KCNMA1: variants seen among roughly 807,000 people sequenced by gnomAD.
KCNMA1 encodes potassium calcium-activated channel subfamily M alpha 1.
A neutral mutation model predicts 140.0 loss-of-function variants in KCNMA1; 29 were observed. That is an observed-to-expected ratio of 0.21 (90% CI 0.15 to 0.28). KCNMA1 has a LOEUF of 0.28. KCNMA1 is among the 10% of genes least tolerant of loss of function. The pLI, the probability that KCNMA1 is intolerant of heterozygous loss-of-function variation, is 1.00. For missense variants in KCNMA1, 880 were observed against 1,602.2 expected (o/e 0.55, Z 7.70); for synonymous variants, 612 against 611.9 (o/e 1.00, Z 0.00).
downstream of KCNMA1, chr10:76,877,081 G>T (rs564761250): frequency 1.3e-5 from 2 of 152,652 alleles, no homozygotes; most frequent in Non-Finnish European, 2.9e-5. Context: ...TATGAACAAA[G>T]GGGTGAGAAC....
At chr10:77,164,120 G>T (rs559435915) in intron 5 of KCNMA1, among the ~76,000 whole-genome samples, 1 of 152,290 alleles carries the variant, frequency 6.6e-6, no homozygotes, top group Non-Finnish European at 1.5e-5. Context: ...CTGGCTTTCT[G>T]ATTCACTCCT....
At chr10:77,192,090 A>G (rs2098943196) in intron 3 of KCNMA1, among the ~76,000 whole-genome samples, 1 of 152,172 alleles carries the variant, frequency 6.6e-6, no homozygotes, top group Non-Finnish European at 1.5e-5. Flanking sequence ...CTCCTGAAAC[A>G]ATGATAGCAG....
chr10:77,198,423 C>T (rs2041340245), intron 3 of KCNMA1, among the ~76,000 whole-genome samples: 1 of 152,018 alleles, frequency 6.6e-6, no homozygotes, highest in Admixed American at 6.6e-5. Context: ...GTGAAGCCAT[C>T]TTTTCTTCAT....
At chr10:77,283,333 G>A (rs1442836972) in intron 2 of KCNMA1, among the ~76,000 whole-genome samples, 2 of 152,146 alleles carry the variant, frequency 1.3e-5, no homozygotes, top group Non-Finnish European at 2.9e-5. Flanking sequence ...ACTCTGGCTC[G>A]AGGAGGAGGG....
At chr10:77,011,837 TG>T (rs1204701167) in intron 18 of KCNMA1, 129 bp downstream of exon 18, 3 of 822,964 alleles carry the variant, frequency 3.6e-6, no homozygotes, top group African/African-American at 3.4e-5. Flanking sequence ...TTTAAACTGC[TG>T]GGTGAAACAT....
At chr10:77,413,221 G>A (rs969406241) in intron 1 of KCNMA1, among the ~76,000 whole-genome samples, 2 of 152,278 alleles carry the variant, frequency 1.3e-5, no homozygotes, top group East Asian at 3.9e-4. Context: ...CTGTGGCACA[G>A]TTTGGCCTAA....
At chr10:77,102,464 A>C (rs2097122845) in intron 9 of KCNMA1, among the ~76,000 whole-genome samples, 1 of 152,234 alleles carries the variant, frequency 6.6e-6, no homozygotes, top group Non-Finnish European at 1.5e-5. Flanking sequence ...GTTTAAAAAT[A>C]ACCCAATAAT....
At chr10:77,141,413 A>G (rs2098167004) in intron 5 of KCNMA1, among the ~76,000 whole-genome samples, 1 of 152,170 alleles carries the variant, frequency 6.6e-6, no homozygotes, top group South Asian at 2.1e-4. Flanking sequence ...GATCATGAGG[A>G]TAGGGCCCTC....
intron 1 of KCNMA1, among the ~76,000 whole-genome samples, chr10:77,465,300 G>T (rs1370229478): frequency 1.3e-5 from 2 of 152,154 alleles, no homozygotes; most frequent in East Asian, 3.9e-4. Context: ...GCAGACCCAG[G>T]GGCACCAGTC....
At chr10:77,408,315 C>G (rs1366313585) in intron 1 of KCNMA1, among the ~76,000 whole-genome samples, 1 of 152,220 alleles carries the variant, frequency 6.6e-6, no homozygotes, top group Non-Finnish European at 1.5e-5. Context: ...AGGACCCTGT[C>G]CTTACACAGG....
At chr10:77,302,093 G>C (rs1288811911) in intron 2 of KCNMA1, among the ~76,000 whole-genome samples, 2 of 152,084 alleles carry the variant, frequency 1.3e-5, no homozygotes, top group African/African-American at 4.8e-5. Context: ...CTCACAGTAA[G>C]TGGGGAGACA....
At chr10:77,080,310 C>G (rs1014542915) in intron 12 of KCNMA1, among the ~76,000 whole-genome samples, 1 of 152,196 alleles carries the variant, frequency 6.6e-6, no homozygotes, top group Admixed American at 6.5e-5. Flanking sequence ...TATGGTGTAG[C>G]CCCGCTGTGC....
rs1184437159 is a variant in KCNMA1 at position 77,166,424 on chromosome 10, G to C, written c.808+16997C>G. 2.0e-5 allele frequency among the ~76,000 whole-genome samples: 3 copies of C among 152,254 alleles called. No individual in the cohort carries two copies. The East Asian group carries it at 5.8e-4, about 29-fold the overall frequency. On this transcript the variant is annotated intron_variant, in intron 5 of 27. Transcript: ENST00000286628. The stretch of plus-strand genomic sequence containing the variant: ...ACTGGGCAACAGATGTGGTAAGAAG[G>C]GGAGCAGCCCAAGATGAAATTTCCT...
chr10:76,958,616 T>A (rs775212167), intron 20 of KCNMA1, among the ~76,000 whole-genome samples: 2 of 152,210 alleles, frequency 1.3e-5, no homozygotes, highest in African/African-American at 2.4e-5. Flanking sequence ...TCTGATCCAA[T>A]AGGACTGGTG....
At chr10:77,352,632 GTGTGTGTGTGTGTGTGTT>G (rs1184452070) in intron 2 of KCNMA1, among the ~76,000 whole-genome samples, 5 of 151,534 alleles carry the variant, frequency 3.3e-5, no homozygotes, top group Admixed American at 3.3e-4. Context: ...GTGTGTGTGT[GTGTGTGTGTGTGTGTGTT>G]TGTGTGTGTG....
chr10:77,131,559 G>C (rs2097857650), intron 5 of KCNMA1, among the ~76,000 whole-genome samples: 1 of 152,112 alleles, frequency 6.6e-6, no homozygotes, highest in Non-Finnish European at 1.5e-5. Context: ...TTACCTTTGT[G>C]GGGTGTAGTG....
chr10:77,063,346 C>CAG (rs1238161022), intron 14 of KCNMA1, among the ~76,000 whole-genome samples: 1 of 151,908 alleles, frequency 6.6e-6, no homozygotes, highest in Non-Finnish European at 1.5e-5. Flanking sequence ...CTGGGGGCTG[C>CAG]AGCGGCTGGG....
At chr10:77,572,688 C>A (rs1434920929) in intron 1 of KCNMA1, among the ~76,000 whole-genome samples, 2 of 134,110 alleles carry the variant, frequency 1.5e-5, no homozygotes, top group Non-Finnish European at 3.1e-5. Context: ...CTCGAGAGGT[C>A]AAGGCTGCAG....
intron 25 of KCNMA1, chr10:76,905,255 C>G (rs147712950): frequency 6.6e-6 from 1 of 152,252 alleles, no homozygotes; most frequent in Non-Finnish European, 1.5e-5. Flanking sequence ...GCTATTTCTT[C>G]TTCTAAAATG....
Sources: gnomAD v4.1 joint callset for allele counts (sites outside exome capture counted in the v4.1 genomes callset) on GRCh38, gnomAD v4.1.1 for gene constraint, MANE v1.5 for transcripts, NCBI Gene and HGNC (gene_info 2026-07-23, HGNC 2026-07-21) for gene names.